Variants in KCNQ2 observed in about 807,000 individuals in gnomAD.
The protein encoded by KCNQ2 is potassium voltage-gated channel subfamily KQT member 2.
A neutral mutation model predicts 84.8 loss-of-function variants in KCNQ2; 14 were observed. The ratio of observed to expected loss-of-function variants is 0.17; its 90% CI spans 0.11 to 0.26. The LOEUF (loss-of-function observed/expected upper bound fraction) is 0.26, where lower values mean the gene tolerates loss of function less well. KCNQ2 is among the 10% of genes least tolerant of loss of function. KCNQ2 has a pLI of 1.00. For synonymous variants in KCNQ2, 599 were observed against 554.1 expected (o/e 1.08, Z -1.14); for missense variants, 788 against 1,254.0 (o/e 0.63, Z 5.61).
intron 4 of KCNQ2, among the ~76,000 whole-genome samples, chr20:63,443,154 C>A (rs1368474428): frequency 2.2e-5 from 2 of 92,752 alleles, no homozygotes; most frequent in Non-Finnish European, 2.3e-5. Flanking sequence ...CCACCATCAC[C>A]GGCGCCACCA....
At chr20:63,429,518 G>A (rs932795452) in intron 9 of KCNQ2, among the ~76,000 whole-genome samples, 2 of 152,022 alleles carry the variant, frequency 1.3e-5, no homozygotes, top group Non-Finnish European at 2.9e-5. Flanking sequence ...GCCCCTGCCC[G>A]TGTCCTCCCT....
chr20:63,459,501 C>T (rs2081894427), intron 1 of KCNQ2: 1 of 152,080 alleles, frequency 6.6e-6, no homozygotes, highest in Non-Finnish European at 1.5e-5. Context: ...GAAAAGAGAC[C>T]CTGCCTCAAA....
At chr20:63,411,522 AG>A (rs1187535328) in intron 15 of KCNQ2, among the ~76,000 whole-genome samples, 2 of 152,152 alleles carry the variant, frequency 1.3e-5, no homozygotes, top group Non-Finnish European at 2.9e-5. Context: ...GCATCCACAG[AG>A]CCCCCGGCTT....
chr20:63,410,012 G>A (rs932987576), intron 15 of KCNQ2: 6 of 283,532 alleles, frequency 2.1e-5, no homozygotes, highest in Admixed American at 2.1e-4. Flanking sequence ...TCTTCTTTCT[G>A]TTGCGAGAAA....
At chr20:63,429,861 G>C (rs1031248603) in intron 9 of KCNQ2, among the ~76,000 whole-genome samples, 3 of 152,164 alleles carry the variant, frequency 2.0e-5, no homozygotes, top group Non-Finnish European at 4.4e-5. Flanking sequence ...GCCCCTCTTT[G>C]TTCCCTCTGC....
At chr20:63,449,695 AGG>A (rs1228672124) in intron 1 of KCNQ2, among the ~76,000 whole-genome samples, 4 of 152,136 alleles carry the variant, frequency 2.6e-5, no homozygotes, top group African/African-American at 7.2e-5. Flanking sequence ...CCGGGAGAAG[AGG>A]GAAAAGCCCC....
intron 10 of KCNQ2, among the ~76,000 whole-genome samples, chr20:63,427,003 T>C (rs1043406922): frequency 6.6e-6 from 1 of 152,190 alleles, no homozygotes; most frequent in African/African-American, 2.4e-5. Flanking sequence ...GGCAGAGCCC[T>C]TGAGGTCAGG....
At chr20:63,411,866 C>T (rs1446121662) in intron 15 of KCNQ2, 1 of 711,084 alleles carries the variant, frequency 1.4e-6, no homozygotes, top group Admixed American at 2.0e-5. Flanking sequence ...GGCGGGGGAC[C>T]CACAATCATA....
chr20:63,442,637 AC>A, intron 4 of KCNQ2, 106 bp from the exon 5 acceptor site: 1 of 1,170,276 alleles, frequency 8.5e-7, no homozygotes, highest in Non-Finnish European at 1.2e-6. Context: ...CACCATCACC[AC>A]CACCAAAACC....
rs763235644 is a variant in KCNQ2, at chr20:63,407,418, A to G, written c.1888-43T>C. ...GGGCTGGGGTGCGAGGGCCCGTCCC[A>G]GGAGATGTGGGGACCCAGGCTGCTC... On this transcript the variant is annotated intron_variant, in intron 16 of 16. Coordinates refer to ENST00000359125, the MANE Select transcript of KCNQ2 (RefSeq NM_172107.4). This position sits in a 1 kb window ranked among gnomAD's most constrained non-coding sequence, Gnocchi z 7.2. The G allele has an allele frequency of 3.8e-6, 6 of 1,593,192 alleles. No individual in the cohort carries two copies. The South Asian group carries it at 5.5e-5, about 15-fold the overall frequency.
At chr20:63,411,436 C>G (rs2080118385) in intron 15 of KCNQ2, among the ~76,000 whole-genome samples, 1 of 152,170 alleles carries the variant, frequency 6.6e-6, no homozygotes, top group African/African-American at 2.4e-5. Context: ...AGAGGGATGT[C>G]TGTGCAGGTC....
rs1402478464 is a variant in KCNQ2, at chr20:63,446,956, G to A, written c.297-119C>T. 7 of 905,084 alleles carry A rather than the reference G, an allele frequency of 7.7e-6. No individual in the cohort carries two copies. Among genetic ancestry groups the A allele is most frequent in the Admixed American group, 7.2e-5 (4 of 55,238 alleles). The allele number at this position is 905,084 out of a possible 1,614,324, so 56.1% of individuals were successfully genotyped here. On this transcript the variant is annotated intron_variant, in intron 1 of 16. Coordinates refer to ENST00000359125, the MANE Select transcript of KCNQ2 (RefSeq NM_172107.4). This position sits in a 1 kb window ranked among gnomAD's most constrained non-coding sequence, Gnocchi z 5.5. Reference sequence around the variant, plus strand: ...CGCAGCAGGGCACCAGCATGGCCGCGTCTCCAGAACGCAGGACCCCACTCC... The same window carrying A: ...CGCAGCAGGGCACCAGCATGGCCGCATCTCCAGAACGCAGGACCCCACTCC...
rs887528315 is a variant in KCNQ2, at chr20:63,422,883, A to G, written c.1247+1294T>C. 5.9e-5 allele frequency among the ~76,000 whole-genome samples: 9 copies of G among 152,168 alleles called. No homozygotes were observed. In the East Asian group the frequency reaches 1.7e-3, roughly 29 times the overall value. On this transcript the variant is annotated intron_variant, in intron 11 of 16. Coordinates refer to ENST00000359125, the MANE Select transcript of KCNQ2 (RefSeq NM_172107.4). ...CCCAGCAAGGGCGTGGGGCCCTGCC[A>G]CGCGGAAGCCGTCGGGAAGCCTCGC... is the stretch of plus-strand genomic sequence containing the variant.
chr20:63,407,581 G>C lies in KCNQ2; in HGVS notation c.1888-206C>G, dbSNP rs2079989167. 1.3e-5 allele frequency among the ~76,000 whole-genome samples: 2 copies of C among 151,658 alleles called. No homozygotes were observed. The highest frequency in any genetic ancestry group is 4.8e-5 in the African/African-American group (2 of 41,254). Reference sequence around the variant, plus strand: ...CCAGGAAATGGGGGGGCCCAGGCTGGTTCCAGGAAACAGGAGAGACCCAGG... The same window carrying C: ...CCAGGAAATGGGGGGGCCCAGGCTGCTTCCAGGAAACAGGAGAGACCCAGG... On this transcript the variant is annotated intron_variant, in intron 16 of 16. Coordinates refer to ENST00000359125, the MANE Select transcript of KCNQ2 (RefSeq NM_172107.4). This position sits in a 1 kb window ranked among gnomAD's most constrained non-coding sequence, Gnocchi z 7.2.
rs776972460 is a variant in KCNQ2, at chr20:63,408,544, G to T, written c.1764-8C>A. ...CCCACGATCTGGTCCACTCTACCGGGAACAGAGACCCCAAAGCATGAGTTC... is the reference window on the plus strand; with the variant it reads ...CCCACGATCTGGTCCACTCTACCGGTAACAGAGACCCCAAAGCATGAGTTC... On this transcript the variant is annotated splice_polypyrimidine_tract_variant and splice_region_variant and intron_variant, in intron 15 of 16. Transcript: ENST00000359125. The surrounding 1 kb of genome is among the most constrained non-coding windows in gnomAD (Gnocchi z 5.0). 2.5e-6 allele frequency: 4 copies of T among 1,610,476 alleles called. No homozygotes were observed. The highest frequency in any genetic ancestry group is 3.4e-6 in the Non-Finnish European group (4 of 1,179,272).
intron 10 of KCNQ2, among the ~76,000 whole-genome samples, chr20:63,427,421 G>A (rs979066177): frequency 2.9e-4 from 44 of 152,210 alleles, no homozygotes; most frequent in African/African-American, 1.0e-3. Flanking sequence ...GCGGCTCCCG[G>A]TATTAAAGTC....
In KCNQ2 at chr20:63,406,591, G is replaced by A. The variant is rs184083320; in HGVS notation, c.*53C>T. ...CAGAGGGTTCCCGCCTCAAAACCTC[G>A]GAGGCACCGTGCTGAGGAGGGCCGC... is the stretch of plus-strand genomic sequence containing the variant. On this transcript the variant is annotated 3_prime_UTR_variant, in exon 17 of 17. Coordinates refer to ENST00000359125, the MANE Select transcript of KCNQ2 (RefSeq NM_172107.4). 66 of 1,527,832 alleles carry A rather than the reference G, an allele frequency of 4.3e-5. No homozygotes were observed. In the Admixed American group the frequency reaches 4.6e-4, roughly 11 times the overall value. 94.6% of individuals were successfully genotyped at this position (1,527,832 alleles called of 1,614,324 possible).
chr20:63,412,225 C>G (rs2080141864), intron 15 of KCNQ2: 9 of 252,626 alleles, frequency 3.6e-5, no homozygotes. Context: ...TTGTCAGGAG[C>G]CGGCCGAGGA....
Position 63,460,202 on chromosome 20 carries a change from G to C in KCNQ2, c.296+11966C>G, listed in dbSNP as rs2081914078. 6.6e-6 allele frequency among the ~76,000 whole-genome samples: 1 copy of C among 152,104 alleles called. No individual in the cohort carries two copies. Among genetic ancestry groups the C allele is most frequent in the South Asian group, 2.1e-4 (1 of 4,824 alleles). Reference sequence around the variant, plus strand: ...CCTGCTTGGCCTGGCCTGGGCTCCTGACCCTGCAGGTCCCTCCCTGGCCTT... The same window carrying C: ...CCTGCTTGGCCTGGCCTGGGCTCCTCACCCTGCAGGTCCCTCCCTGGCCTT... On this transcript the variant is annotated intron_variant, in intron 1 of 16. Coordinates refer to ENST00000359125, the MANE Select transcript of KCNQ2 (RefSeq NM_172107.4). The surrounding 1 kb of genome is among the most constrained non-coding windows in gnomAD (Gnocchi z 5.4).
Sources: allele counts gnomAD v4.1 joint callset (sites outside exome capture counted in the v4.1 genomes callset), GRCh38; gene constraint gnomAD v4.1.1; non-coding constraint Gnocchi (gnomAD v3.1); transcripts MANE v1.5; gene names NCBI Gene and HGNC (gene_info 2026-07-23, HGNC 2026-07-21).